Variants in POLDIP2 observed in about 807,000 individuals in gnomAD.
The protein encoded by POLDIP2 is polymerase delta-interacting protein 2.
Under a neutral mutation model 52.9 loss-of-function variants are expected in POLDIP2, and 32 were observed. The observed-to-expected ratio is 0.61, with a 90% CI of 0.46 to 0.81. The LOEUF (loss-of-function observed/expected upper bound fraction) is 0.81, where lower values mean the gene tolerates loss of function less well. POLDIP2 is among the 40% of genes least tolerant of loss of function. The pLI is 0.00. For missense variants in POLDIP2, 371 were observed against 477.3 expected (o/e 0.78, Z 2.07); for synonymous variants, 183 against 183.0 (o/e 1.00, Z 0.00).
In POLDIP2 at chr17:28,355,797, G is replaced by A; in HGVS notation, c.241C>T (p.Gln81Ter). The change falls in exon 2 of 11, where the codon CAG (glutamine) becomes TAG (stop). Residue 81 changes from glutamine (Q) to a stop codon, truncating the protein, a stop_gained and splice_region_variant. Transcript: ENST00000540200. LOFTEE classifies it high-confidence loss of function. The stretch of plus-strand genomic sequence containing the variant: ...AGATGACCCAGCCCAATACTCACCT[G>A]CCCGGTCTCATATTTTCCATTCTGT... The part of the protein sequence containing the change: ...PKQNGKYETG[Q>*]LFLHSIFGYR... 6.2e-7 allele frequency: 1 copy of A among 1,610,056 alleles called. No individual in the cohort carries two copies.
intron 9 of POLDIP2, among the ~76,000 whole-genome samples, chr17:28,349,956 C>T (rs568350405): frequency 9.8e-4 from 149 of 152,224 alleles, no homozygotes; most frequent in African/African-American, 3.4e-3. Flanking sequence ...ACCAGTACTG[C>T]TTGTGACTTT....
chr17:28,351,182 T>C (rs1907780664), intron 7 of POLDIP2, among the ~76,000 whole-genome samples: 1 of 152,222 alleles, frequency 6.6e-6, no homozygotes, highest in Non-Finnish European at 1.5e-5. Flanking sequence ...CCTCCTCCAC[T>C]ACTATAAGGT....
chr17:28,347,289 T>C lies in POLDIP2; in HGVS notation c.*828A>G, dbSNP rs1249621191. 1 of 152,218 alleles carries C rather than the reference T, an allele frequency of 6.6e-6. No homozygotes were observed. Among genetic ancestry groups the C allele is most frequent in the African/African-American group, 2.4e-5 (1 of 41,460 alleles). The allele number at this position is 152,218 out of a possible 1,614,324, so 9.4% of individuals were successfully genotyped here. On this transcript the variant is annotated 3_prime_UTR_variant, in exon 11 of 11. Transcript: ENST00000540200. Reference sequence around the variant, plus strand: ...GAATTGGGGCAAGATGCAGCACAATTCATCTCTGGCTCTTGGAAATCTGAG... The same window carrying C: ...GAATTGGGGCAAGATGCAGCACAATCCATCTCTGGCTCTTGGAAATCTGAG...
chr17:28,356,460 C>G (rs898042092), intron 1 of POLDIP2, among the ~76,000 whole-genome samples: 2 of 152,138 alleles, frequency 1.3e-5, no homozygotes, highest in Non-Finnish European at 2.9e-5. Context: ...AATTCCATGT[C>G]CATCTCCCCC....
At chr17:28,356,050 C>T (rs183665811) in intron 1 of POLDIP2, among the ~76,000 whole-genome samples, 174 bp from the exon 2 acceptor site, 21 of 151,460 alleles carry the variant, frequency 1.4e-4, no homozygotes, top group Non-Finnish European at 2.1e-4. Context: ...GTGAAAACCT[C>T]CACAGTCTCC....
chr17:28,357,323 C>G lies in POLDIP2; in HGVS notation c.126G>C (p.Ala42=). The stretch of plus-strand genomic sequence containing the variant: ...GGTGCCTCCGCGTCGTCGTGGTCGA[C>G]GCTGGCGAGAAGGCTCCAGCTCCGG... The part of the protein sequence containing the change: ...AAAGAGAFSP[A]STTTTRRHLS... Residue 42 remains alanine, a synonymous_variant, in exon 1 of 11, where the codon GCG becomes GCC. Coordinates refer to ENST00000540200, the MANE Select transcript of POLDIP2 (RefSeq NM_015584.5). 6.3e-7 allele frequency: 1 copy of G among 1,579,424 alleles called. No individual in the cohort carries two copies.
chr17:28,353,526 A>AAAAAAAAAAAAAAAAAAAAAAAC (rs1907900174), intron 4 of POLDIP2, among the ~76,000 whole-genome samples, 169 bp downstream of exon 4: 1 of 142,996 alleles, frequency 7.0e-6, no homozygotes, highest in Non-Finnish European at 1.5e-5. Flanking sequence ...ATATCAAAAA[A>AAAAAAAAAAAAAAAAAAAAAAAC]AAAAAAAAAG....
At chr17:28,352,472 G>C (rs1555580175) in intron 6 of POLDIP2, among the ~76,000 whole-genome samples, 1 of 150,906 alleles carries the variant, frequency 6.6e-6, no homozygotes, top group Non-Finnish European at 1.5e-5. Flanking sequence ...TCTTGACCTA[G>C]TGATCTGCCC....
intron 2 of POLDIP2, among the ~76,000 whole-genome samples, chr17:28,354,867 GTTCTT>G (rs1567793521): frequency 6.6e-6 from 1 of 152,110 alleles, no homozygotes; most frequent in African/African-American, 2.4e-5. Flanking sequence ...TTTGCAAATC[GTTCTT>G]TTCTAGACTA....
intron 6 of POLDIP2, 42 bp from the exon 7 acceptor site, chr17:28,351,842 G>A (rs782602716): frequency 6.3e-7 from 1 of 1,579,510 alleles, no homozygotes; most frequent in Non-Finnish European, 8.7e-7. Flanking sequence ...GTGTGTTGTG[G>A]ATACAATTGT....
chr17:28,349,136 A>G lies in POLDIP2; in HGVS notation c.939T>C (p.Pro313=), dbSNP rs557553047. 93 of 1,613,436 alleles carry G rather than the reference A, an allele frequency of 5.8e-5. 2 individuals carry two copies. The South Asian group carries it at 1.0e-3, about 17-fold the overall frequency. The change falls in exon 10 of 11, where the codon CCT becomes CCC. Residue 313 remains proline (P), a synonymous_variant. Transcript: ENST00000540200. ...GREPVLSKEQ[P]AFQYSSHVSL... ...AGACGTGGCTGCTATACTGGAACGC[A>G]GGCTGCTCCTTGGATAACACTGGTT...
intron 9 of POLDIP2, among the ~76,000 whole-genome samples, chr17:28,349,583 G>A (rs1246150034): frequency 1.3e-5 from 2 of 151,862 alleles, no homozygotes; most frequent in African/African-American, 4.8e-5. Context: ...AACTATGGTC[G>A]CACCACTGCA....
At chr17:28,350,300 T>G in intron 9 of POLDIP2, 138 bp downstream of exon 9, 1 of 702,590 alleles carries the variant, frequency 1.4e-6, no homozygotes, top group Non-Finnish European at 2.2e-6. Flanking sequence ...TGTAGTTGTT[T>G]TAAGATTTCT....
intron 1 of POLDIP2, among the ~76,000 whole-genome samples, chr17:28,356,176 C>G (rs1908020450): frequency 6.6e-6 from 1 of 151,894 alleles, no homozygotes; most frequent in South Asian, 2.1e-4. Flanking sequence ...TTCCCTAACC[C>G]ACCCTCCTGA....
rs1257948635 is a variant in POLDIP2, at chr17:28,350,641, A to C, written c.787-78T>G. On this transcript the variant is annotated intron_variant, in intron 8 of 10. Transcript: ENST00000540200. ...TCCTCAGAATTCTGTGCAAAGCAAA[A>C]GTCAACAAAGCTGACACATGCACTG... 3 of 1,581,728 alleles carry C rather than the reference A, an allele frequency of 1.9e-6. No homozygotes were observed. The African/African-American group carries it at 4.1e-5, about 21-fold the overall frequency.
chr17:28,350,414 AATTACTAG>A lies in POLDIP2; in HGVS notation c.912+16_912+23del. The stretch of plus-strand genomic sequence containing the variant: ...CCCCAGGCTTGCCACACAGGACCAG[AATTACTAG>A]ACCAAGGATGCTCACCCTGCCCACT... On this transcript the variant is annotated intron_variant, in intron 9 of 10. Coordinates refer to ENST00000540200, the MANE Select transcript of POLDIP2 (RefSeq NM_015584.5). The A allele has an allele frequency of 6.3e-7, 1 of 1,593,860 alleles. No individual in the cohort carries two copies. The highest frequency in any genetic ancestry group is 1.1e-5 in the South Asian group (1 of 87,842).
intron 9 of POLDIP2, 46 bp from the exon 10 acceptor site, chr17:28,349,208 T>C (rs937279290): frequency 1.9e-5 from 27 of 1,409,662 alleles, no homozygotes; most frequent in Non-Finnish European, 2.5e-5. Context: ...CCCAGGGACA[T>C]GTTTCCTGCA....
rs1343127564 is a variant in POLDIP2 at position 28,346,654 on chromosome 17, G to A, written c.*1463C>T. 1 of 152,214 alleles carries A rather than the reference G, an allele frequency of 6.6e-6. No homozygotes were observed. The highest frequency in any genetic ancestry group is 1.5e-5 in the Non-Finnish European group (1 of 68,036). 9.4% of individuals were successfully genotyped at this position (152,214 alleles called of 1,614,324 possible). ...GACATGATCTTAGCTTCTTTAATCA[G>A]ACTTTGTGACTTAAAAGTTTGGGGG... is the stretch of plus-strand genomic sequence containing the variant. On this transcript the variant is annotated 3_prime_UTR_variant, in exon 11 of 11. Transcript: ENST00000540200.
At position 28,357,281 on chromosome 17, in the gene POLDIP2, C is replaced by G; in HGVS notation, c.161+7G>C. ...AGTTCCTCGCGCCCCCTGGCTCCGT[C>G]CCTCACCGGGACGAGAGGTGCCTCC... On this transcript the variant is annotated splice_region_variant and intron_variant, in intron 1 of 10. Coordinates refer to ENST00000540200, the MANE Select transcript of POLDIP2 (RefSeq NM_015584.5). The G allele has an allele frequency of 6.4e-7, 1 of 1,567,252 alleles. No homozygotes were observed.
Sources: allele counts gnomAD v4.1 joint callset (sites outside exome capture counted in the v4.1 genomes callset), GRCh38; gene constraint gnomAD v4.1.1; transcripts MANE v1.5; gene names NCBI Gene and HGNC (gene_info 2026-07-23, HGNC 2026-07-21).